XNDC1N: variants seen among roughly 807,000 people sequenced by gnomAD.
The protein encoded by XNDC1N is XRCC1 N-terminal domain containing 1, N-terminal like.
At chr11:71,881,864 G>A in the XNDC1N span, among the ~76,000 whole-genome samples, 1 of 152,188 alleles carries the variant, frequency 6.6e-6, no homozygotes, top group East Asian at 1.9e-4. Context: ...ATAAGTGTAG[G>A]CCAATTAGAA....
the XNDC1N span, among the ~76,000 whole-genome samples, chr11:71,913,589 G>A: frequency 6.6e-6 from 1 of 151,450 alleles, no homozygotes; most frequent in Non-Finnish European, 1.5e-5. Flanking sequence ...AACCTGGGAG[G>A]CAGAGGTTGT....
At chr11:71,881,260 A>T in the XNDC1N span, among the ~76,000 whole-genome samples, 2 of 152,228 alleles carry the variant, frequency 1.3e-5, no homozygotes, top group Non-Finnish European at 2.9e-5. Context: ...TTATCATTAT[A>T]TGATGGCCTT....
the XNDC1N span, among the ~76,000 whole-genome samples, chr11:71,882,213 TAA>T: frequency 0.043 from 6,226 of 143,702 alleles, 439 homozygotes; most frequent in African/African-American, 0.15. Context: ...TTTAAAATGT[TAA>T]AAAAAAAAAA....
the XNDC1N span, chr11:71,904,097 G>A: frequency 3.0e-3 from 1,538 of 516,976 alleles, 4 homozygotes; most frequent in South Asian, 5.1e-3. Context: ...AGTGTCCTGC[G>A]GCGGCCGCAC....
chr11:71,891,815 AC>A, the XNDC1N span, among the ~76,000 whole-genome samples: 567 of 151,482 alleles, frequency 3.7e-3, 1 homozygote, highest in African/African-American at 0.013. Flanking sequence ...GGGGCTGAAC[AC>A]CCCCCACGAT....
the XNDC1N span, among the ~76,000 whole-genome samples, chr11:71,891,693 T>A: frequency 6.6e-6 from 1 of 151,908 alleles, no homozygotes; most frequent in Non-Finnish European, 1.5e-5. Context: ...AGTAATATCA[T>A]CCTCTATTTT....
the XNDC1N span, chr11:71,917,354 T>C: frequency 4.9e-6 from 3 of 616,744 alleles, no homozygotes; most frequent in East Asian, 5.5e-5. Flanking sequence ...GTTCTATATA[T>C]TGGGCCCTAC....
chr11:71,876,433 C>A, the XNDC1N span, among the ~76,000 whole-genome samples: 1 of 152,300 alleles, frequency 6.6e-6, no homozygotes, highest in South Asian at 2.1e-4. Context: ...GGTCCACCCC[C>A]AGAATGCAGT....
At chr11:71,900,242 TC>T in the XNDC1N span, among the ~76,000 whole-genome samples, 1 of 152,178 alleles carries the variant, frequency 6.6e-6, no homozygotes, top group South Asian at 2.1e-4. Context: ...CCGGTGCAGA[TC>T]CTTGGTATGC....
the XNDC1N span, among the ~76,000 whole-genome samples, chr11:71,902,185 G>T: frequency 6.6e-6 from 1 of 152,176 alleles, no homozygotes; most frequent in South Asian, 2.1e-4. Context: ...TGACTTACTT[G>T]ATTCTTTTTG....
the XNDC1N span, among the ~76,000 whole-genome samples, chr11:71,911,590 T>C: frequency 1.3e-5 from 2 of 152,176 alleles, no homozygotes; most frequent in Admixed American, 1.3e-4. Context: ...CATTGGGGCC[T>C]TAGAACTCAG....
At chr11:71,917,495 T>A in the XNDC1N span, 1 of 685,694 alleles carries the variant, frequency 1.5e-6, no homozygotes, top group Non-Finnish European at 2.7e-6. Flanking sequence ...CCAACAGATA[T>A]AATTAAACCC....
the XNDC1N span, among the ~76,000 whole-genome samples, chr11:71,897,634 T>TG: frequency 5.3e-4 from 79 of 149,036 alleles, no homozygotes; most frequent in African/African-American, 1.5e-3. Context: ...CGTGAAGGAG[T>TG]GGGGGAAAAT....
At chr11:71,874,140 C>A in the XNDC1N span, among the ~76,000 whole-genome samples, 2 of 152,118 alleles carry the variant, frequency 1.3e-5, no homozygotes, top group African/African-American at 4.8e-5. Flanking sequence ...CATGGCGAAA[C>A]TCCATCTCCA....
chr11:71,917,457 C>T, the XNDC1N span: 2 of 652,170 alleles, frequency 3.1e-6, no homozygotes, highest in Non-Finnish European at 5.6e-6. Context: ...CACACACAAG[C>T]ACACCATTCC....
At chr11:71,918,643 TA>T in the XNDC1N span, among the ~76,000 whole-genome samples, 1 of 152,292 alleles carries the variant, frequency 6.6e-6, no homozygotes, top group South Asian at 2.1e-4. Flanking sequence ...CAAAGCATGG[TA>T]GTTATGTTGC....
the XNDC1N span, among the ~76,000 whole-genome samples, chr11:71,919,974 C>G: frequency 1.0e-4 from 4 of 38,128 alleles, no homozygotes; most frequent in Non-Finnish European, 2.1e-4. Context: ...TTTTTTGAGA[C>G]AGAGTCTCGC....
chr11:71,923,187 C>T, the XNDC1N span: 7 of 679,276 alleles, frequency 1.0e-5, no homozygotes, highest in South Asian at 3.2e-5. Flanking sequence ...TTCTCTTAGA[C>T]TCTGAACTCA....
chr11:71,884,701 A>G, the XNDC1N span: 4 of 1,176,336 alleles, frequency 3.4e-6, no homozygotes, highest in African/African-American at 3.1e-5. Context: ...TATAAATTTT[A>G]TAAATGCTTA....
Sources: gnomAD v4.1 joint callset for allele counts (sites outside exome capture counted in the v4.1 genomes callset) on GRCh38, gnomAD v4.1.1 for gene constraint, MANE v1.5 for transcripts, NCBI Gene and HGNC (gene_info 2026-07-23, HGNC 2026-07-21) for gene names.